GRID2: variants seen among roughly 807,000 people sequenced by gnomAD.
GRID2 encodes the protein glutamate ionotropic receptor delta type subunit 2.
GRID2 carries 33 observed loss-of-function variants against 114.8 expected under a neutral mutation model. The ratio of observed to expected loss-of-function variants is 0.29; its 90% CI spans 0.22 to 0.38. GRID2 has a LOEUF of 0.38. GRID2 is among the 10% of genes least tolerant of loss of function. GRID2 has a pLI of 1.00. For missense variants in GRID2, 1,184 were observed against 1,257.7 expected (o/e 0.94, Z 0.89); for synonymous variants, 505 against 449.9 (o/e 1.12, Z -1.55).
intron 14 of GRID2, among the ~76,000 whole-genome samples, chr4:93,627,697 T>A (rs1414127816): frequency 6.6e-6 from 1 of 152,204 alleles, no homozygotes; most frequent in Non-Finnish European, 1.5e-5. Flanking sequence ...CATGCTGTTC[T>A]CATTGCAAAG....
intron 2 of GRID2, among the ~76,000 whole-genome samples, chr4:92,910,186 CT>C: frequency 6.6e-6 from 1 of 151,558 alleles, no homozygotes; most frequent in East Asian, 1.9e-4. Context: ...AGGATTTACC[CT>C]ATAGGAGTGG....
Position 92,913,836 on chromosome 4 carries a change from T to C in GRID2, c.245-171159T>C, listed in dbSNP as rs189193383. Among the ~76,000 whole-genome samples, 99 of 152,136 alleles carry C rather than the reference T, an allele frequency of 6.5e-4. 1 individual carries two copies. The highest frequency in any genetic ancestry group is 2.3e-3 in the African/African-American group (94 of 41,546). ...AAATAAAGTGAAACGACTCAAATTC[T>C]ATAAAAGGAAATTCCTCTTCCCTCA... On this transcript the variant is annotated intron_variant, in intron 2 of 15. Transcript: ENST00000282020.
intron 13 of GRID2, among the ~76,000 whole-genome samples, chr4:93,551,322 G>T (rs1733731274): frequency 6.6e-6 from 1 of 152,156 alleles, no homozygotes; most frequent in Non-Finnish European, 1.5e-5. Flanking sequence ...AGATATGTAG[G>T]TGTAAGAAGG....
In GRID2 at chr4:93,722,379, G is replaced by A. The variant is rs189155007; in HGVS notation, c.2361-46831G>A. The stretch of plus-strand genomic sequence containing the variant: ...CAGAATCATATCACTAGTGAGTTAC[G>A]GACCAGGAACTTTAACACAAATTTC... On this transcript the variant is annotated intron_variant, in intron 14 of 15. Transcript: ENST00000282020. Among the ~76,000 whole-genome samples, 12 of 152,190 alleles carry A rather than the reference G, an allele frequency of 7.9e-5. No individual in the cohort carries two copies. The East Asian group carries it at 2.3e-3, about 29-fold the overall frequency.
intron 2 of GRID2, among the ~76,000 whole-genome samples, chr4:92,739,168 G>A (rs1211650538): frequency 6.6e-6 from 1 of 151,864 alleles, no homozygotes; most frequent in Non-Finnish European, 1.5e-5. Context: ...ATCTCCACTG[G>A]CCTTGAGAAG....
intron 2 of GRID2, among the ~76,000 whole-genome samples, chr4:92,928,726 C>G (rs762180680): frequency 9.2e-5 from 14 of 151,612 alleles, no homozygotes; most frequent in Non-Finnish European, 1.6e-4. Context: ...TATCCACTTT[C>G]ACATTAAAGT....
At chr4:92,830,268 T>G (rs556020028) in intron 2 of GRID2, among the ~76,000 whole-genome samples, 1 of 151,668 alleles carries the variant, frequency 6.6e-6, no homozygotes, top group African/African-American at 2.4e-5. Flanking sequence ...GATCATGCAG[T>G]AAGTAGGACA....
At chr4:92,352,524 A>C (rs1464961642) in intron 1 of GRID2, among the ~76,000 whole-genome samples, 1 of 151,822 alleles carries the variant, frequency 6.6e-6, no homozygotes, top group Non-Finnish European at 1.5e-5. Context: ...AGTTTTATCT[A>C]ATCCCATCAG....
At position 92,903,444 on chromosome 4, in the gene GRID2, G is replaced by T. The variant is rs538852716; in HGVS notation, c.245-181551G>T. ...TTTGTCAGACTTAATCTTAGCAAAG[G>T]ATTCAATACCCACACATTAAGAATA... On this transcript the variant is annotated intron_variant, in intron 2 of 15. Transcript: ENST00000282020. 2.0e-5 allele frequency among the ~76,000 whole-genome samples: 3 copies of T among 151,994 alleles called. No individual in the cohort carries two copies. The South Asian group carries it at 6.2e-4, about 32-fold the overall frequency.
intron 8 of GRID2, among the ~76,000 whole-genome samples, chr4:93,275,680 G>A (rs918664512): frequency 1.3e-5 from 2 of 151,716 alleles, no homozygotes; most frequent in African/African-American, 4.8e-5. Flanking sequence ...GATGTGAGGT[G>A]ATATCTCATT....
At chr4:93,604,314 G>A (rs900804047) in intron 13 of GRID2, among the ~76,000 whole-genome samples, 12 of 152,184 alleles carry the variant, frequency 7.9e-5, no homozygotes, top group African/African-American at 2.9e-4. Flanking sequence ...GAAACGGTAA[G>A]AGAACTGTAA....
At chr4:93,226,290 G>T (rs528033494) in intron 7 of GRID2, among the ~76,000 whole-genome samples, 2 of 152,056 alleles carry the variant, frequency 1.3e-5, no homozygotes, top group Non-Finnish European at 2.9e-5. Flanking sequence ...TCATCATGAC[G>T]CAAATTTCTG....
chr4:93,065,652 G>A (rs1296316244), intron 2 of GRID2, among the ~76,000 whole-genome samples: 1 of 151,812 alleles, frequency 6.6e-6, no homozygotes, highest in Non-Finnish European at 1.5e-5. Flanking sequence ...GATGCAAGAA[G>A]GAATTTTCAT....
intron 1 of GRID2, among the ~76,000 whole-genome samples, chr4:92,526,776 A>G (rs1725066425): frequency 6.6e-6 from 1 of 152,004 alleles, no homozygotes; most frequent in Admixed American, 6.6e-5. Flanking sequence ...TTCCTGAACC[A>G]TAAGTCATAG....
At chr4:92,429,486 TC>T (rs1732331246) in intron 1 of GRID2, among the ~76,000 whole-genome samples, 1 of 152,208 alleles carries the variant, frequency 6.6e-6, no homozygotes, top group Non-Finnish European at 1.5e-5. Flanking sequence ...ATTTTCTTTG[TC>T]CTTTCATCTG....
intron 2 of GRID2, among the ~76,000 whole-genome samples, chr4:92,647,782 T>A (rs1731723604): frequency 6.7e-6 from 1 of 149,734 alleles, no homozygotes; most frequent in Non-Finnish European, 1.5e-5. Flanking sequence ...GTTTGGAAAT[T>A]CATTATACTT....
At chr4:93,712,429 T>G (rs1187564781) in intron 14 of GRID2, among the ~76,000 whole-genome samples, 1 of 152,190 alleles carries the variant, frequency 6.6e-6, no homozygotes, top group African/African-American at 2.4e-5. Flanking sequence ...GCAGAAAGAA[T>G]GTCTTAACCA....
rs139679055 is a variant in GRID2, at chr4:93,706,197, T to C, written c.2361-63013T>C. 2.6e-3 allele frequency among the ~76,000 whole-genome samples: 394 copies of C among 152,316 alleles called. 3 individuals are homozygous for C. The highest frequency in any genetic ancestry group is 9.2e-3 in the African/African-American group (382 of 41,584). Reference sequence around the variant, plus strand: ...TGGTTCCGCATAAATTTTAACATTGTTTTTTCTATTTCTGTGAAGAATATC... The same window carrying C: ...TGGTTCCGCATAAATTTTAACATTGCTTTTTCTATTTCTGTGAAGAATATC... On this transcript the variant is annotated intron_variant, in intron 14 of 15. Coordinates refer to ENST00000282020, the MANE Select transcript of GRID2 (RefSeq NM_001510.4).
intron 2 of GRID2, among the ~76,000 whole-genome samples, chr4:93,066,271 CA>C (rs1277041956): frequency 6.6e-6 from 1 of 151,878 alleles, no homozygotes; most frequent in African/African-American, 2.4e-5. Context: ...AGAAAAGTAA[CA>C]CAGTAATTTC....
Sources: gnomAD v4.1 joint callset for allele counts (sites outside exome capture counted in the v4.1 genomes callset) on GRCh38, gnomAD v4.1.1 for gene constraint, MANE v1.5 for transcripts, NCBI Gene and HGNC (gene_info 2026-07-23, HGNC 2026-07-21) for gene names.